HNRNPK: variants seen among roughly 807,000 people sequenced by gnomAD.
HNRNPK encodes dC-stretch binding protein.
In HNRNPK, 7 loss-of-function variants were observed where a neutral mutation model predicts 67.0. The ratio of observed to expected loss-of-function variants is 0.10; its 90% CI spans 0.06 to 0.20. The LOEUF (loss-of-function observed/expected upper bound fraction) is 0.20, where lower values mean the gene tolerates loss of function less well. HNRNPK is among the 10% of genes least tolerant of loss of function. The pLI is 1.00. For missense variants in HNRNPK, 264 were observed against 606.5 expected (o/e 0.44, Z 5.93); for synonymous variants, 213 against 193.7 (o/e 1.10, Z -0.83).
chr9:83,979,555 G>A (rs1345459026), intron 1 of HNRNPK, among the ~76,000 whole-genome samples: 1 of 152,058 alleles, frequency 6.6e-6, no homozygotes, highest in Non-Finnish European at 1.5e-5. Flanking sequence ...AAACAGCCGG[G>A]TAACAGGACG....
chr9:83,972,060 C>T lies in HNRNPK; in HGVS notation c.775G>A (p.Gly259Ser). 6.2e-7 allele frequency: 1 copy of T among 1,613,954 alleles called. No homozygotes were observed. Among genetic ancestry groups the T allele is most frequent in the Non-Finnish European group, 8.5e-7 (1 of 1,179,864 alleles). The change falls in exon 11 of 17, where the codon GGT (glycine) becomes AGT (serine). Residue 259 changes from glycine to serine, a missense_variant. Physicochemically the swap from Gly to Ser is moderately conservative, Grantham distance 56. Coordinates refer to ENST00000376263, the MANE Select transcript of HNRNPK (RefSeq NM_031263.4). ...RPVGFPMRGR[G>S]GFDRMPPGRG... ...CCAGGAGGCATTCTGTCAAAACCACCTCTTCCCCGCATGGGAAATCCCACT... is the reference window on the plus strand; with the variant it reads ...CCAGGAGGCATTCTGTCAAAACCACTTCTTCCCCGCATGGGAAATCCCACT...
intron 16 of HNRNPK, 151 bp from the exon 17 acceptor site, chr9:83,969,591 G>A: frequency 1.6e-6 from 1 of 639,230 alleles, no homozygotes; most frequent in South Asian, 1.9e-5. Flanking sequence ...ACAAATTAAA[G>A]CAATGTTAAG....
chr9:83,971,115 C>G lies in HNRNPK; in HGVS notation c.1092+158G>C, dbSNP rs535382871. 171 of 745,570 alleles carry G rather than the reference C, an allele frequency of 2.3e-4. No individual in the cohort carries two copies. In the African/African-American group the frequency reaches 2.4e-3, roughly 10 times the overall value. The allele number at this position is 745,570 out of a possible 1,614,324, so 46.2% of individuals were successfully genotyped here. A position where few individuals can be genotyped will look rare whatever the true frequency, so the allele number is the denominator to read the frequency against. ...CACCACTGCACCCAGCTTCACTATT[C>G]AAGTATTTTAATCTCATAAAATCCC... is the stretch of plus-strand genomic sequence containing the variant. On this transcript the variant is annotated intron_variant, in intron 13 of 16. Coordinates refer to ENST00000376263, the MANE Select transcript of HNRNPK (RefSeq NM_031263.4).
intron 1 of HNRNPK, among the ~76,000 whole-genome samples, chr9:83,979,521 C>T (rs992630950): frequency 6.6e-6 from 1 of 152,254 alleles, no homozygotes; most frequent in Non-Finnish European, 1.5e-5. Flanking sequence ...CCCTCCCCTC[C>T]CCGCCTCCCG....
intron 1 of HNRNPK, among the ~76,000 whole-genome samples, chr9:83,978,926 G>A (rs185178328): frequency 6.6e-6 from 1 of 152,234 alleles, no homozygotes; most frequent in Admixed American, 6.5e-5. Flanking sequence ...CCAACAACCA[G>A]AACAATCTAC....
chr9:83,971,258 A>G lies in HNRNPK; in HGVS notation c.1092+15T>C. The G allele has an allele frequency of 1.3e-6, 2 of 1,530,092 alleles. No individual in the cohort carries two copies. The highest frequency in any genetic ancestry group is 1.8e-6 in the Non-Finnish European group (2 of 1,103,868). 94.8% of individuals were successfully genotyped at this position (1,530,092 alleles called of 1,614,324 possible). ...ATTATCACTGATATACACACGAACA[A>G]CTATGATACTCAACCTGTGGTTCAT... On this transcript the variant is annotated intron_variant, in intron 13 of 16. Transcript: ENST00000376263.
At chr9:83,977,836 T>TAACTCC (rs2133063341) in intron 3 of HNRNPK, 50 bp from the exon 4 acceptor site, 1 of 1,139,460 alleles carries the variant, frequency 8.8e-7, no homozygotes, top group Non-Finnish European at 1.3e-6. Flanking sequence ...GTCTCCAAAG[T>TAACTCC]AACTCCATTC....
intron 1 of HNRNPK, among the ~76,000 whole-genome samples, chr9:83,979,112 A>G (rs760962976): frequency 1.7e-4 from 26 of 152,220 alleles, no homozygotes; most frequent in Non-Finnish European, 3.1e-4. Flanking sequence ...CACGAAAACT[A>G]AAGTGTCTAC....
rs1442983215 is a variant in HNRNPK at position 83,971,137 on chromosome 9, T to C, written c.1092+136A>G. On this transcript the variant is annotated intron_variant, in intron 13 of 16. Coordinates refer to ENST00000376263, the MANE Select transcript of HNRNPK (RefSeq NM_031263.4). ...ATTCAAGTATTTTAATCTCATAAAA[T>C]CCCTCTTCAGGAAACCAAAGTCCTC... The C allele has an allele frequency of 6.3e-6, 5 of 798,722 alleles. No individual in the cohort carries two copies. In the African/African-American group the frequency reaches 8.6e-5, roughly 14 times the overall value. 49.5% of individuals were successfully genotyped at this position (798,722 alleles called of 1,614,324 possible).
At chr9:83,974,755 T>C in intron 6 of HNRNPK, 166 bp from the exon 7 acceptor site, 1 of 593,040 alleles carries the variant, frequency 1.7e-6, no homozygotes, top group Non-Finnish European at 3.0e-6. Context: ...TGCATTTTGT[T>C]TTATACCCAA....
Position 83,968,613 on chromosome 9 carries a change from T to C in HNRNPK, c.*794A>G, listed in dbSNP as rs1414913237. 6.6e-6 allele frequency: 1 copy of C among 152,568 alleles called. No individual in the cohort carries two copies. Among genetic ancestry groups the C allele is most frequent in the African/African-American group, 2.4e-5 (1 of 41,414 alleles). The allele number at this position is 152,568 out of a possible 1,614,324, so 9.5% of individuals were successfully genotyped here. On this transcript the variant is annotated 3_prime_UTR_variant, in exon 17 of 17. Coordinates refer to ENST00000376263, the MANE Select transcript of HNRNPK (RefSeq NM_031263.4). ...CCACCTTAGTTCTTCACAACTAACA[T>C]AGAAAATTGTTGAAAAGTAGGGGCA...
Position 83,973,905 on chromosome 9 carries a change from T to C in HNRNPK, c.399A>G (p.Leu133=). Residue 133 remains leucine, a synonymous_variant, in exon 8 of 17, where the codon TTA becomes TTG. Coordinates refer to ENST00000376263, the MANE Select transcript of HNRNPK (RefSeq NM_031263.4). ...LPLESDAVEC[L]NYQHYKGSDF... Reference sequence around the variant, plus strand: ...GTTCAATGGCACTATGACATACATTTAAGCATTCCACAGCATCAGATTCGA... The same window carrying C: ...GTTCAATGGCACTATGACATACATTCAAGCATTCCACAGCATCAGATTCGA... 5 of 1,612,854 alleles carry C rather than the reference T, an allele frequency of 3.1e-6. No individual in the cohort carries two copies. The highest frequency in any genetic ancestry group is 4.2e-6 in the Non-Finnish European group (5 of 1,178,894).
At chr9:83,969,593 AATGTTAAGTG>A in intron 16 of HNRNPK, 153 bp from the exon 17 acceptor site, 2 of 639,036 alleles carry the variant, frequency 3.1e-6, no homozygotes, top group South Asian at 3.8e-5. Context: ...AAATTAAAGC[AATGTTAAGTG>A]TCAAGAAAAA....
intron 3 of HNRNPK, 147 bp downstream of exon 3, chr9:83,978,048 A>G: frequency 3.2e-6 from 2 of 625,194 alleles, no homozygotes; most frequent in Non-Finnish European, 5.6e-6. Flanking sequence ...CATAAATAAA[A>G]GCTAAGATGT....
At chr9:83,972,235 C>G in intron 10 of HNRNPK, 46 bp from the exon 11 acceptor site, 3 of 1,386,142 alleles carry the variant, frequency 2.2e-6, no homozygotes, top group South Asian at 2.7e-5. Context: ...GAAAAAGAGT[C>G]CTGCTTCATA....
At position 83,980,215 on chromosome 9, in the gene HNRNPK, C is replaced by G. The variant is rs918146594; in HGVS notation, c.-170G>C. Reference sequence around the variant, plus strand: ...CAGCCGGTCGGAGCTAGACAGAAAACGAGCGCAGGCTCCCCTCCCCCGCCT... The same window carrying G: ...CAGCCGGTCGGAGCTAGACAGAAAAGGAGCGCAGGCTCCCCTCCCCCGCCT... On this transcript the variant is annotated 5_prime_UTR_variant, in exon 1 of 17. Coordinates refer to ENST00000376263, the MANE Select transcript of HNRNPK (RefSeq NM_031263.4). 2.0e-5 allele frequency: 3 copies of G among 152,374 alleles called. No homozygotes were observed. The highest frequency in any genetic ancestry group is 7.2e-5 in the African/African-American group (3 of 41,456). 9.4% of individuals were successfully genotyped at this position (152,374 alleles called of 1,614,324 possible).
chr9:83,978,747 C>T (rs1957193491), intron 1 of HNRNPK, among the ~76,000 whole-genome samples: 1 of 152,210 alleles, frequency 6.6e-6, no homozygotes, highest in South Asian at 2.1e-4. Flanking sequence ...AGATAAATGT[C>T]ATCCACAAAG....
At chr9:83,969,495 AATCAAC>A in intron 16 of HNRNPK, 55 bp from the exon 17 acceptor site, 5 of 1,044,956 alleles carry the variant, frequency 4.8e-6, no homozygotes, top group Admixed American at 2.0e-5. Flanking sequence ...GTAACATCTT[AATCAAC>A]ATCAAGACAA....
At chr9:83,976,365 T>C (rs1001828498) in intron 5 of HNRNPK, 1 of 152,476 alleles carries the variant, frequency 6.6e-6, no homozygotes, top group Admixed American at 6.5e-5. Context: ...CCAAGTCCTA[T>C]AAATGTGCTC....
Sources: gnomAD v4.1 joint callset for allele counts (sites outside exome capture counted in the v4.1 genomes callset) on GRCh38, gnomAD v4.1.1 for gene constraint, MANE v1.5 for transcripts, NCBI Gene and HGNC (gene_info 2026-07-23, HGNC 2026-07-21) for gene names.